Variants in CTNND2 observed in about 807,000 individuals in gnomAD.
CTNND2 encodes the protein catenin delta-2.
Under a neutral mutation model 144.4 loss-of-function variants are expected in CTNND2, and 22 were observed. The observed-to-expected ratio is 0.15, with a 90% CI of 0.11 to 0.22. CTNND2 has a LOEUF of 0.22. Among genes scored for constraint, CTNND2 ranks in the 10% least tolerant of loss-of-function variants. CTNND2 has a pLI of 1.00. For missense variants in CTNND2, 1,353 were observed against 1,618.8 expected, an observed-to-expected ratio of 0.84 and a Z score of 2.82; for synonymous variants, 751 against 695.6, an observed-to-expected ratio of 1.08 and a Z score of -1.25.
intron 1 of CTNND2, among the ~76,000 whole-genome samples, chr5:11,899,538 A>G (rs1299301653): frequency 1.3e-5 from 2 of 152,170 alleles, no homozygotes; most frequent in Non-Finnish European, 2.9e-5. Flanking sequence ...AAGCAATATT[A>G]CAATAGGGGT....
At chr5:11,441,335 AAAG>A (rs1403140723) in intron 3 of CTNND2, among the ~76,000 whole-genome samples, 1 of 151,214 alleles carries the variant, frequency 6.6e-6, no homozygotes, top group Non-Finnish European at 1.5e-5. Flanking sequence ...ATAATTTTTA[AAAG>A]AAGAAAAGTG....
At chr5:11,682,736 G>C (rs1784472710) in intron 2 of CTNND2, among the ~76,000 whole-genome samples, 1 of 152,034 alleles carries the variant, frequency 6.6e-6, no homozygotes. Context: ...CTGTGTGAAG[G>C]GCAAGTAATA....
chr5:11,625,914 T>C (rs776454216), intron 2 of CTNND2, among the ~76,000 whole-genome samples: 11 of 152,164 alleles, frequency 7.2e-5, no homozygotes, highest in African/African-American at 1.4e-4. Flanking sequence ...TTTAATGCCA[T>C]CGGTGTTTGC....
At chr5:11,479,326 A>T (rs1245559588) in intron 3 of CTNND2, among the ~76,000 whole-genome samples, 4 of 152,156 alleles carry the variant, frequency 2.6e-5, no homozygotes, top group Admixed American at 1.3e-4. Flanking sequence ...ACAGGATATG[A>T]TCTTGTTCTT....
intron 3 of CTNND2, among the ~76,000 whole-genome samples, chr5:11,419,483 A>G (rs1487147314): frequency 6.6e-6 from 1 of 152,204 alleles, no homozygotes; most frequent in African/African-American, 2.4e-5. Context: ...GTTTAGAGAT[A>G]CACTAACTTC....
At chr5:11,429,984 G>GCT (rs1455281610) in intron 3 of CTNND2, among the ~76,000 whole-genome samples, 1 of 152,094 alleles carries the variant, frequency 6.6e-6, no homozygotes. Flanking sequence ...AGGTGCAGTG[G>GCT]CTCATGCCTG....
At chr5:11,467,085 G>A (rs1355267875) in intron 3 of CTNND2, among the ~76,000 whole-genome samples, 3 of 152,238 alleles carry the variant, frequency 2.0e-5, no homozygotes, top group Admixed American at 6.5e-5. Context: ...CATACAAAAA[G>A]CTCCTTCCTA....
At chr5:11,676,403 G>T (rs1291386066) in intron 2 of CTNND2, among the ~76,000 whole-genome samples, 2 of 152,098 alleles carry the variant, frequency 1.3e-5, no homozygotes, top group South Asian at 4.2e-4. Context: ...AGGGTTTTTA[G>T]CACCCAATTT....
chr5:11,152,599 G>A (rs1461654970), intron 12 of CTNND2, among the ~76,000 whole-genome samples: 3 of 152,172 alleles, frequency 2.0e-5, no homozygotes. Flanking sequence ...CTTCTGACTG[G>A]GTGGGAGGAA....
intron 11 of CTNND2, among the ~76,000 whole-genome samples, chr5:11,194,992 G>A (rs981793259): frequency 6.6e-6 from 1 of 152,090 alleles, no homozygotes; most frequent in African/African-American, 2.4e-5. Context: ...AAGGCAAAGG[G>A]CTCCAAATTA....
In CTNND2 at chr5:11,852,078, G is replaced by A. The variant is rs192170919; in HGVS notation, c.37+51739C>T. Among the ~76,000 whole-genome samples, 207 of 152,072 alleles carry A rather than the reference G, an allele frequency of 1.4e-3. 1 individual carries two copies. Among genetic ancestry groups the A allele is most frequent in the African/African-American group, 4.6e-3 (190 of 41,496 alleles). ...CGCCACCTCTTTAGTGGCACCCAAC[G>A]GCATTCATTGTTCCTTCCCCCTTGT... On this transcript the variant is annotated intron_variant, in intron 1 of 21. Coordinates refer to ENST00000304623, the MANE Select transcript of CTNND2 (RefSeq NM_001332.4).
At chr5:11,581,809 C>A (rs1178769336) in intron 2 of CTNND2, among the ~76,000 whole-genome samples, 1 of 152,138 alleles carries the variant, frequency 6.6e-6, no homozygotes, top group African/African-American at 2.4e-5. Flanking sequence ...ATATGCTCAG[C>A]GATGCAGCTT....
chr5:11,623,116 A>G (rs569206514), intron 2 of CTNND2, among the ~76,000 whole-genome samples: 2 of 152,300 alleles, frequency 1.3e-5, no homozygotes, highest in South Asian at 2.1e-4. Context: ...CATGTAGTAC[A>G]TGAGACTTTC....
chr5:11,381,633 G>C (rs545248761), intron 7 of CTNND2, among the ~76,000 whole-genome samples: 80 of 152,330 alleles, frequency 5.3e-4, no homozygotes, highest in African/African-American at 1.9e-3. Context: ...TTCTGTATAA[G>C]TACTGTGTAC....
chr5:11,842,480 G>A (rs550756786), intron 1 of CTNND2, among the ~76,000 whole-genome samples: 1 of 152,296 alleles, frequency 6.6e-6, no homozygotes, highest in South Asian at 2.1e-4. Context: ...AGCACACTGG[G>A]AGGCTGAGGC....
At chr5:11,894,177 C>CTTTTTTA in intron 1 of CTNND2, among the ~76,000 whole-genome samples, 1 of 152,026 alleles carries the variant, frequency 6.6e-6, no homozygotes, top group East Asian at 1.9e-4. Context: ...TAAAGCCTCA[C>CTTTTTTA]AGGTGCCAGA....
At chr5:11,389,747 C>G (rs549153317) in intron 6 of CTNND2, among the ~76,000 whole-genome samples, 1 of 152,218 alleles carries the variant, frequency 6.6e-6, no homozygotes, top group Non-Finnish European at 1.5e-5. Context: ...AATCCCTACT[C>G]TGAAAATCCA....
intron 2 of CTNND2, among the ~76,000 whole-genome samples, chr5:11,654,147 T>C (rs1782794287): frequency 6.6e-6 from 1 of 152,020 alleles, no homozygotes; most frequent in Non-Finnish European, 1.5e-5. Flanking sequence ...TTATCATAGC[T>C]CTTCAGTACA....
At chr5:11,256,602 G>A (rs896873907) in intron 9 of CTNND2, among the ~76,000 whole-genome samples, 1 of 152,182 alleles carries the variant, frequency 6.6e-6, no homozygotes, top group Admixed American at 6.5e-5. Flanking sequence ...AATGATGACA[G>A]AAAGAGTATA....
Sources: gnomAD v4.1 joint callset for allele counts (sites outside exome capture counted in the v4.1 genomes callset) on GRCh38, gnomAD v4.1.1 for gene constraint, MANE v1.5 for transcripts, NCBI Gene and HGNC (gene_info 2026-07-23, HGNC 2026-07-21) for gene names.